RNF38: variants seen among roughly 807,000 people sequenced by gnomAD.
RNF38 encodes E3 ubiquitin-protein ligase RNF38.
In RNF38, 15 loss-of-function variants were observed where a neutral mutation model predicts 67.2. The ratio of observed to expected loss-of-function variants is 0.22; its 90% CI spans 0.15 to 0.34. The LOEUF (loss-of-function observed/expected upper bound fraction) is 0.34, where lower values mean the gene tolerates loss of function less well. Ranked by LOEUF, RNF38 falls within the 10% of genes least tolerant of loss-of-function variation. The pLI is 1.00. For missense variants in RNF38, 524 were observed against 639.9 expected (o/e 0.82, Z 1.95); for synonymous variants, 220 against 218.8 (o/e 1.01, Z -0.05).
At chr9:36,388,248 T>G (rs1308795919) in intron 2 of RNF38, among the ~76,000 whole-genome samples, 1 of 151,964 alleles carries the variant, frequency 6.6e-6, no homozygotes, top group Non-Finnish European at 1.5e-5. Context: ...TACTAGATGG[T>G]CTTATTATTA....
chr9:36,418,182 C>T (rs1318599066), intron 2 of RNF38, among the ~76,000 whole-genome samples: 2 of 151,826 alleles, frequency 1.3e-5, no homozygotes, highest in African/African-American at 4.8e-5. Flanking sequence ...GTGTGTACCA[C>T]TAGGCCCAGC....
At chr9:36,447,150 CTGATTAAGTGCTTG>C (rs1467878851) in intron 1 of RNF38, among the ~76,000 whole-genome samples, 1 of 151,218 alleles carries the variant, frequency 6.6e-6, no homozygotes, top group Non-Finnish European at 1.5e-5. Flanking sequence ...AAATTTAAAT[CTGATTAAGTGCTTG>C]TGATTAAGTG....
intron 2 of RNF38, among the ~76,000 whole-genome samples, chr9:36,389,731 A>G (rs763825604): frequency 6.6e-6 from 1 of 152,218 alleles, no homozygotes; most frequent in African/African-American, 2.4e-5. Flanking sequence ...GCTCTTATTC[A>G]AAAGTCCCAG....
At chr9:36,464,042 C>T (rs1358850863) in intron 1 of RNF38, among the ~76,000 whole-genome samples, 1 of 151,914 alleles carries the variant, frequency 6.6e-6, no homozygotes, top group East Asian at 1.9e-4. Context: ...TGGCAGGCAC[C>T]TGTACTCCCA....
rs542771843 is a variant in RNF38, at chr9:36,475,054, G to A, written n.241+12254C>T. Among the ~76,000 whole-genome samples, 8 of 146,528 alleles carry A rather than the reference G, an allele frequency of 5.5e-5. 1 individual carries two copies. In the East Asian group the frequency reaches 1.1e-3, roughly 21 times the overall value. On this transcript the variant is annotated intron_variant and non_coding_transcript_variant, in intron 1 of 3. Transcript: ENST00000488058. Reference sequence around the variant, plus strand: ...CTACCCACTCAGGAGGCTAAGGCAGGAGAATTGCTTGAACCCAGGAGGTGG... The same window carrying A: ...CTACCCACTCAGGAGGCTAAGGCAGAAGAATTGCTTGAACCCAGGAGGTGG...
intron 4 of RNF38, among the ~76,000 whole-genome samples, chr9:36,363,784 G>A (rs1834733201): frequency 1.0e-5 from 1 of 98,810 alleles, no homozygotes; most frequent in African/African-American, 3.0e-5. Flanking sequence ...GTTGCTATAC[G>A]AAACCCTGTA....
intron 2 of RNF38, among the ~76,000 whole-genome samples, chr9:36,388,586 A>G (rs1466312575): frequency 6.6e-6 from 1 of 152,120 alleles, no homozygotes; most frequent in African/African-American, 2.4e-5. Flanking sequence ...TTTCTCCCAT[A>G]TGGCCACTTG....
In RNF38 at chr9:36,339,633, G is replaced by C; in HGVS notation, c.*119C>G. On this transcript the variant is annotated 3_prime_UTR_variant, in exon 12 of 12. Transcript: ENST00000259605. ...GATTAAGTCACACAGTGCAAAGAAA[G>C]GTCCATTGACCCTTTTGGTAAAGGG... is the stretch of plus-strand genomic sequence containing the variant. The C allele has an allele frequency of 1.4e-6, 1 of 727,334 alleles. No homozygotes were observed. The highest frequency in any genetic ancestry group is 1.6e-5 in the South Asian group (1 of 63,878). The allele number at this position is 727,334 out of a possible 1,614,324, so 45.1% of individuals were successfully genotyped here.
intron 1 of RNF38, among the ~76,000 whole-genome samples, chr9:36,397,642 A>T (rs1175870195): frequency 3.3e-5 from 5 of 152,188 alleles, no homozygotes; most frequent in African/African-American, 1.2e-4. Flanking sequence ...TCCTTTCCCC[A>T]GTCCACAATC....
Position 36,369,750 on chromosome 9 carries a change from T to G in RNF38, c.539A>C (p.Gln180Pro). ...LLHPAAHPPQ[Q>P]NAVMVDIHDQ... ...ATGTATGTCAACCATGACTGCATTC[T>G]GCTGGGGTGGATGAGCAGCAGGATG... Residue 180 changes from glutamine (Q) to proline (P), a missense_variant, in exon 4 of 12, where the codon CAG (glutamine) becomes CCG (proline). Physicochemically the swap from Gln to Pro is moderately conservative, Grantham distance 76. Coordinates refer to ENST00000259605, the MANE Select transcript of RNF38 (RefSeq NM_022781.5). 1 of 1,614,052 alleles carries G rather than the reference T, an allele frequency of 6.2e-7. No homozygotes were observed. The highest frequency in any genetic ancestry group is 8.5e-7 in the Non-Finnish European group (1 of 1,179,984).
At chr9:36,381,844 G>C (rs1374628627) in intron 2 of RNF38, among the ~76,000 whole-genome samples, 3 of 152,204 alleles carry the variant, frequency 2.0e-5, no homozygotes, top group African/African-American at 7.2e-5. Flanking sequence ...GACCTCCTGA[G>C]ACTGTTTCCC....
At chr9:36,471,877 G>A (rs1032523354) in intron 1 of RNF38, among the ~76,000 whole-genome samples, 30 of 152,178 alleles carry the variant, frequency 2.0e-4, no homozygotes, top group African/African-American at 6.8e-4. Context: ...TTACAGGTGA[G>A]CCACCGCATC....
chr9:36,369,594 G>A, intron 4 of RNF38, 125 bp downstream of exon 4: 3 of 707,572 alleles, frequency 4.2e-6, no homozygotes, highest in East Asian at 2.7e-5. Flanking sequence ...AAGGAATGAG[G>A]AACTTAAATA....
Position 36,339,697 on chromosome 9 carries a change from C to T in RNF38, c.*55G>A. 1.4e-6 allele frequency: 2 copies of T among 1,381,860 alleles called. No homozygotes were observed. Among genetic ancestry groups the T allele is most frequent in the Non-Finnish European group, 2.0e-6 (2 of 977,800 alleles). 85.6% of individuals were successfully genotyped at this position (1,381,860 alleles called of 1,614,324 possible). On this transcript the variant is annotated 3_prime_UTR_variant, in exon 12 of 12. Coordinates refer to ENST00000259605, the MANE Select transcript of RNF38 (RefSeq NM_022781.5). ...ACACAGATTAAGTTCAATGGATAGT[C>T]CGTATATACATGTGATGAGGAACAC...
chr9:36,365,612 G>A (rs1241254502), intron 4 of RNF38, among the ~76,000 whole-genome samples: 2 of 147,770 alleles, frequency 1.4e-5, no homozygotes, highest in African/African-American at 2.5e-5. Flanking sequence ...TCTCAATAAT[G>A]CTTTGGTATT....
intron 2 of RNF38, among the ~76,000 whole-genome samples, chr9:36,423,716 G>A (rs1281452780): frequency 3.1e-4 from 8 of 26,072 alleles, no homozygotes; most frequent in Admixed American, 5.0e-4. Context: ...TTGGGAGGCC[G>A]AGGCGGGCGG....
intron 1 of RNF38, among the ~76,000 whole-genome samples, chr9:36,392,908 A>C (rs2244376): frequency 0.05 from 7,602 of 152,286 alleles, 587 homozygotes; most frequent in African/African-American, 0.17. Flanking sequence ...AAAAATTAGG[A>C]GTAAGAGTTC....
At chr9:36,350,099 G>A (rs1027478360) in intron 9 of RNF38, among the ~76,000 whole-genome samples, 6 of 152,156 alleles carry the variant, frequency 3.9e-5, no homozygotes, top group Non-Finnish European at 7.4e-5. Context: ...ATTACAGGGT[G>A]AGCCACTGCG....
intron 1 of RNF38, among the ~76,000 whole-genome samples, chr9:36,426,601 G>A (rs1157088265): frequency 6.6e-6 from 1 of 152,178 alleles, no homozygotes; most frequent in Non-Finnish European, 1.5e-5. Flanking sequence ...CCATTTATAA[G>A]TTTTTGTGTG....
Sources: allele counts gnomAD v4.1 joint callset (sites outside exome capture counted in the v4.1 genomes callset), GRCh38; gene constraint gnomAD v4.1.1; transcripts MANE v1.5; gene names NCBI Gene and HGNC (gene_info 2026-07-23, HGNC 2026-07-21).